RAD51B: variants seen among roughly 807,000 people sequenced by gnomAD.
The protein encoded by RAD51B is DNA repair protein RAD51 homolog 2.
Under a neutral mutation model 42.2 loss-of-function variants are expected in RAD51B, and 38 were observed. The observed-to-expected ratio is 0.90, with a 90% CI of 0.70 to 1.18. The LOEUF (loss-of-function observed/expected upper bound fraction) is 1.18. Among genes scored for constraint, RAD51B ranks in the 50% most tolerant of loss-of-function variants. The pLI, the probability that RAD51B is intolerant of heterozygous loss-of-function variation, is 0.00. For missense variants in RAD51B, 373 were observed against 400.7 expected, an observed-to-expected ratio of 0.93 and a Z score of 0.59; for synonymous variants, 154 against 145.2, an observed-to-expected ratio of 1.06 and a Z score of -0.43.
chr14:68,035,522 A>G (rs901126986), intron 7 of RAD51B, among the ~76,000 whole-genome samples: 11 of 152,212 alleles, frequency 7.2e-5, no homozygotes, highest in Admixed American at 6.5e-4. Flanking sequence ...TTTATGCTCC[A>G]TAAGGTTGAT....
rs575200516 is a variant in RAD51B at position 68,468,058 on chromosome 14, G to A, written c.958-114G>A. On this transcript the variant is annotated intron_variant, in intron 9 of 10. Transcript: ENST00000471583. Reference sequence around the variant, plus strand: ...AAATGGTTTTTTTTTTTTTAAATAAGCCTTGTGACTTACAGTCCTATGTTA... The same window carrying A: ...AAATGGTTTTTTTTTTTTTAAATAAACCTTGTGACTTACAGTCCTATGTTA... The A allele has an allele frequency of 1.4e-4, 116 of 842,810 alleles. 2 individuals carry two copies. Among genetic ancestry groups the A allele is most frequent in the South Asian group, 9.8e-4 (65 of 66,342 alleles). The allele number at this position is 842,810 out of a possible 1,614,324, so 52.2% of individuals were successfully genotyped here.
intron 8 of RAD51B, among the ~76,000 whole-genome samples, chr14:68,347,335 A>T (rs965429768): frequency 1.3e-5 from 2 of 152,240 alleles, no homozygotes. Flanking sequence ...GGGGAAGTAG[A>T]TTTAGTATCC....
At chr14:68,138,716 T>C (rs886206308) in intron 7 of RAD51B, among the ~76,000 whole-genome samples, 1 of 152,180 alleles carries the variant, frequency 6.6e-6, no homozygotes, top group Non-Finnish European at 1.5e-5. Context: ...TAACAAGGTA[T>C]AATTGTAAAA....
At chr14:68,559,925 G>A (rs1033742576) in intron 10 of RAD51B, among the ~76,000 whole-genome samples, 4 of 152,150 alleles carry the variant, frequency 2.6e-5, no homozygotes, top group African/African-American at 4.8e-5. Context: ...TGCTGGCTGC[G>A]CGGCTCTTCC....
At chr14:68,630,903 GT>G (rs1892213288) in intron 10 of RAD51B, among the ~76,000 whole-genome samples, 3 of 152,262 alleles carry the variant, frequency 2.0e-5, no homozygotes, top group Admixed American at 2.0e-4. Flanking sequence ...CTGTTCAGCA[GT>G]GTTTGTGCAA....
intron 4 of RAD51B, among the ~76,000 whole-genome samples, chr14:67,842,932 A>G (rs1471570715): frequency 6.6e-6 from 1 of 152,068 alleles, no homozygotes. Context: ...AGATGATCAT[A>G]TGGTTTTTAC....
chr14:68,022,969 A>G (rs926314066), intron 7 of RAD51B, among the ~76,000 whole-genome samples: 1 of 152,228 alleles, frequency 6.6e-6, no homozygotes, highest in Non-Finnish European at 1.5e-5. Flanking sequence ...ATGTTGCTAC[A>G]AAGGACATGA....
chr14:67,935,240 A>G (rs1325792790), intron 7 of RAD51B, among the ~76,000 whole-genome samples: 1 of 152,146 alleles, frequency 6.6e-6, no homozygotes, highest in Non-Finnish European at 1.5e-5. Flanking sequence ...TTTTTTTTAC[A>G]TATGTGAGGA....
At chr14:67,893,303 G>A (rs1168589853) in intron 7 of RAD51B, among the ~76,000 whole-genome samples, 2 of 151,800 alleles carry the variant, frequency 1.3e-5, no homozygotes, top group African/African-American at 2.4e-5. Context: ...ATCTAAAATT[G>A]TTTCAAAATA....
intron 7 of RAD51B, among the ~76,000 whole-genome samples, chr14:68,253,513 T>G: frequency 6.6e-6 from 1 of 152,238 alleles, no homozygotes; most frequent in East Asian, 1.9e-4. Flanking sequence ...GTTTCTCATT[T>G]GCCTTTTAAT....
rs545409953 is a variant in RAD51B at position 68,509,628 on chromosome 14, C to T, written c.1036+41378C>T. ...GAATGGAGTAAATCCTAAATCCATC[C>T]CTTGTTAACAGGCTTGTAAGTGGAA... On this transcript the variant is annotated intron_variant, in intron 10 of 10. Coordinates refer to the RAD51B transcript ENST00000487270. Among the ~76,000 whole-genome samples the T allele has an allele frequency of 5.3e-4, 81 of 152,286 alleles. No individual in the cohort carries two copies. In the South Asian group the frequency reaches 8.7e-3, roughly 16 times the overall value.
intron 7 of RAD51B, among the ~76,000 whole-genome samples, chr14:68,054,299 AT>A (rs2076439654): frequency 6.6e-6 from 1 of 152,094 alleles, no homozygotes; most frequent in Non-Finnish European, 1.5e-5. Flanking sequence ...GCAACTTGAC[AT>A]TTTTTATGAG....
At chr14:68,104,826 A>G (rs139194404) in intron 7 of RAD51B, among the ~76,000 whole-genome samples, 2,082 of 152,252 alleles carry the variant, frequency 0.014, 25 homozygotes, top group Middle Eastern at 0.024. Context: ...TTTATTATGC[A>G]GGGTACAGGT....
chr14:68,596,750 C>T (rs1187272227), downstream of RAD51B, among the ~76,000 whole-genome samples: 1 of 152,272 alleles, frequency 6.6e-6, no homozygotes, highest in African/African-American at 2.4e-5. Flanking sequence ...TCACCATCTC[C>T]TACAGAAGCA....
chr14:68,328,779 C>A (rs955688638), intron 8 of RAD51B, among the ~76,000 whole-genome samples: 2 of 152,156 alleles, frequency 1.3e-5, no homozygotes, highest in Non-Finnish European at 2.9e-5. Context: ...GGAAGAGGAG[C>A]CTCTGTAAGC....
At chr14:68,129,426 C>G (rs2140669417) in intron 7 of RAD51B, among the ~76,000 whole-genome samples, 1 of 152,254 alleles carries the variant, frequency 6.6e-6, no homozygotes, top group South Asian at 2.1e-4. Flanking sequence ...GGTAGTTTAA[C>G]TACAACTGCT....
chr14:68,304,402 C>T (rs1240985009), intron 8 of RAD51B, among the ~76,000 whole-genome samples: 1 of 152,166 alleles, frequency 6.6e-6, no homozygotes, highest in Non-Finnish European at 1.5e-5. Context: ...AGTTGGCATT[C>T]AAACCTAGAG....
chr14:68,032,816 T>A (rs1595290225), intron 7 of RAD51B, among the ~76,000 whole-genome samples: 1 of 152,204 alleles, frequency 6.6e-6, no homozygotes, highest in Non-Finnish European at 1.5e-5. Flanking sequence ...GTCTTATTTA[T>A]CTCTTCTTTC....
At chr14:68,042,084 T>C (rs1177271835) in intron 7 of RAD51B, among the ~76,000 whole-genome samples, 1 of 152,210 alleles carries the variant, frequency 6.6e-6, no homozygotes, top group Non-Finnish European at 1.5e-5. Flanking sequence ...CAGCATTTCA[T>C]GAGTATACTG....
Sources: allele counts gnomAD v4.1 joint callset (sites outside exome capture counted in the v4.1 genomes callset), GRCh38; gene constraint gnomAD v4.1.1; transcripts MANE v1.5; gene names NCBI Gene and HGNC (gene_info 2026-07-23, HGNC 2026-07-21).